NR3C2: variants seen among roughly 807,000 people sequenced by gnomAD.
NR3C2 encodes nuclear receptor subfamily 3 group C member 2, also known as mineralocorticoid receptor.
A neutral mutation model predicts 86.4 loss-of-function variants in NR3C2; 15 were observed. That is an observed-to-expected ratio of 0.17 (90% CI 0.12 to 0.27). The LOEUF (loss-of-function observed/expected upper bound fraction) is 0.27, where lower values mean the gene tolerates loss of function less well. NR3C2 is among the 10% of genes least tolerant of loss of function. The pLI is 1.00. For synonymous variants in NR3C2, 458 were observed against 450.5 expected, an observed-to-expected ratio of 1.02 and a Z score of -0.21; for missense variants, 960 against 1,195.6, an observed-to-expected ratio of 0.80 and a Z score of 2.91.
At chr4:148,301,818 C>T (rs769174637) in intron 2 of NR3C2, among the ~76,000 whole-genome samples, 3 of 152,004 alleles carry the variant, frequency 2.0e-5, no homozygotes, top group Non-Finnish European at 4.4e-5. Context: ...CGGAGGACCC[C>T]GGAGCACCAT....
intron 2 of NR3C2, among the ~76,000 whole-genome samples, chr4:148,378,342 T>C (rs938327866): frequency 1.1e-4 from 16 of 150,700 alleles, no homozygotes; most frequent in African/African-American, 3.7e-4. Flanking sequence ...CAACAGTGTA[T>C]AAAACAATGA....
At chr4:148,296,897 CT>C (rs1344786958) in intron 2 of NR3C2, among the ~76,000 whole-genome samples, 1 of 152,162 alleles carries the variant, frequency 6.6e-6, no homozygotes, top group African/African-American at 2.4e-5. Flanking sequence ...AAGGAAAACA[CT>C]TTCTTTGTTT....
At chr4:148,354,114 C>G (rs1745435469) in intron 2 of NR3C2, among the ~76,000 whole-genome samples, 1 of 152,080 alleles carries the variant, frequency 6.6e-6, no homozygotes, top group South Asian at 2.1e-4. Flanking sequence ...ACCCCTGAGA[C>G]AGCAAGACCA....
chr4:148,238,278 C>T (rs1199675551), intron 3 of NR3C2, among the ~76,000 whole-genome samples: 1 of 151,994 alleles, frequency 6.6e-6, no homozygotes, highest in Non-Finnish European at 1.5e-5. Flanking sequence ...TTGGTTTGAT[C>T]CTGTAAGACA....
At chr4:148,178,861 A>T (rs1302546066) in intron 4 of NR3C2, among the ~76,000 whole-genome samples, 1 of 151,116 alleles carries the variant, frequency 6.6e-6, no homozygotes, top group Non-Finnish European at 1.5e-5. Context: ...CCTGTACTGA[A>T]AACCACGAGG....
At chr4:148,081,773 G>A (rs72959762) in intron 8 of NR3C2, among the ~76,000 whole-genome samples, 4,352 of 152,314 alleles carry the variant, frequency 0.029, 198 homozygotes, top group African/African-American at 0.098. Context: ...GACAGTGACA[G>A]AGTTAACAGT....
chr4:148,234,553 T>C (rs1221404639), intron 3 of NR3C2, among the ~76,000 whole-genome samples: 1 of 151,918 alleles, frequency 6.6e-6, no homozygotes, highest in Admixed American at 6.6e-5. Flanking sequence ...TATGGTGGCA[T>C]GCGCCTGTAG....
At chr4:148,166,960 A>G (rs1345833173) in intron 4 of NR3C2, among the ~76,000 whole-genome samples, 1 of 152,162 alleles carries the variant, frequency 6.6e-6, no homozygotes, top group Non-Finnish European at 1.5e-5. Flanking sequence ...TTTTAAAGTA[A>G]CATCACATTG....
intron 3 of NR3C2, among the ~76,000 whole-genome samples, chr4:148,244,171 C>T (rs988550403): frequency 4.6e-5 from 7 of 152,160 alleles, no homozygotes; most frequent in Non-Finnish European, 2.9e-5. Flanking sequence ...GCCAGTAACA[C>T]GAAAGCCATC....
At chr4:148,261,237 AAGCGCTATGGTGCACTATGGTC>A (rs1482356025) in intron 2 of NR3C2, among the ~76,000 whole-genome samples, 5 of 150,750 alleles carry the variant, frequency 3.3e-5, no homozygotes, top group South Asian at 2.1e-4. Context: ...GCACTATGGT[AAGCGCTATGGTGCACTATGGTC>A]AGCGCTATGG....
chr4:148,249,638 T>C (rs913312071), intron 3 of NR3C2, among the ~76,000 whole-genome samples: 4 of 152,216 alleles, frequency 2.6e-5, no homozygotes, highest in African/African-American at 7.2e-5. Flanking sequence ...AAAGACTCCA[T>C]AGAGGTGTGA....
chr4:148,327,243 TG>T (rs2149963507), intron 2 of NR3C2, among the ~76,000 whole-genome samples: 1 of 152,314 alleles, frequency 6.6e-6, no homozygotes, highest in South Asian at 2.1e-4. Flanking sequence ...AGCACTGATT[TG>T]TCTGGAAAAA....
Position 148,435,087 on chromosome 4 carries a change from G to A in NR3C2, c.1757+17C>T. 5 of 1,613,326 alleles carry A rather than the reference G, an allele frequency of 3.1e-6. No individual in the cohort carries two copies. The highest frequency in any genetic ancestry group is 4.2e-6 in the Non-Finnish European group (5 of 1,179,320). On this transcript the variant is annotated intron_variant, in intron 2 of 8. Coordinates refer to ENST00000358102, the MANE Select transcript of NR3C2 (RefSeq NM_000901.5). ...ATAAAGCCATGACTTCCAAAAAAAT[G>A]GAGAAAACCAACTTACCTTGATACA... is the stretch of plus-strand genomic sequence containing the variant.
chr4:148,445,106 G>A, upstream of NR3C2: 1 of 606,138 alleles, frequency 1.6e-6, no homozygotes, highest in Non-Finnish European at 2.1e-6. Context: ...CTCCCACTAC[G>A]GCCACTGACA....
intron 2 of NR3C2, among the ~76,000 whole-genome samples, chr4:148,386,276 A>G (rs192703171): frequency 6.6e-6 from 1 of 152,278 alleles, no homozygotes; most frequent in Admixed American, 6.5e-5. Flanking sequence ...TTTAACACCA[A>G]AATTAACAGG....
intron 4 of NR3C2, among the ~76,000 whole-genome samples, chr4:148,190,920 T>C (rs1331407816): frequency 1.3e-5 from 2 of 152,254 alleles, no homozygotes; most frequent in Admixed American, 6.5e-5. Context: ...TGAGTTCTTA[T>C]ACATTCTGCG....
chr4:148,444,064 C>G (rs1750481287), upstream of NR3C2: 1 of 985,376 alleles, frequency 1.0e-6, no homozygotes. Flanking sequence ...CCCACCGTCA[C>G]GCGCACTCTC....
chr4:148,287,219 G>A (rs1365492635), intron 2 of NR3C2, among the ~76,000 whole-genome samples: 2 of 152,110 alleles, frequency 1.3e-5, no homozygotes, highest in Admixed American at 1.3e-4. Context: ...CATTACTACT[G>A]TTTCTAACTT....
chr4:148,415,106 AC>A, intron 2 of NR3C2, among the ~76,000 whole-genome samples: 1 of 152,342 alleles, frequency 6.6e-6, no homozygotes, highest in East Asian at 1.9e-4. Flanking sequence ...TACTCAGTTA[AC>A]TTTGCCTTAT....
Sources: allele counts gnomAD v4.1 joint callset (sites outside exome capture counted in the v4.1 genomes callset), GRCh38; gene constraint gnomAD v4.1.1; transcripts MANE v1.5; gene names NCBI Gene and HGNC (gene_info 2026-07-23, HGNC 2026-07-21).